ANKS6: variants seen among roughly 807,000 people sequenced by gnomAD.
ANKS6 encodes the protein ankyrin repeat and SAM domain-containing protein 6.
A neutral mutation model predicts 77.9 loss-of-function variants in ANKS6; 47 were observed. That is an observed-to-expected ratio of 0.60 (90% CI 0.48 to 0.77). The LOEUF is 0.77. Among genes scored for constraint, ANKS6 ranks in the 30% least tolerant of loss-of-function variants. ANKS6 has a pLI of 0.00. For synonymous variants in ANKS6, 488 were observed against 501.7 expected, an observed-to-expected ratio of 0.97 and a Z score of 0.37; for missense variants, 1,150 against 1,159.1, an observed-to-expected ratio of 0.99 and a Z score of 0.11.
intron 10 of ANKS6, among the ~76,000 whole-genome samples, chr9:98,768,569 T>A (rs1368756010): frequency 6.6e-6 from 1 of 152,164 alleles, no homozygotes; most frequent in African/African-American, 2.4e-5. Context: ...TGCAACACCC[T>A]GCACTCGATG....
At chr9:98,761,177 T>C (rs1832984192) in intron 11 of ANKS6, among the ~76,000 whole-genome samples, 1 of 152,128 alleles carries the variant, frequency 6.6e-6, no homozygotes, top group Non-Finnish European at 1.5e-5. Context: ...ATCTTTATAT[T>C]TTCTTTGATG....
intron 1 of ANKS6, among the ~76,000 whole-genome samples, chr9:98,793,118 TGA>T (rs943477119): frequency 1.3e-5 from 2 of 152,194 alleles, no homozygotes; most frequent in Non-Finnish European, 2.9e-5. Flanking sequence ...AGCACTGGGC[TGA>T]GAGTCCAGCT....
chr9:98,763,428 T>C (rs1324978959), intron 11 of ANKS6, among the ~76,000 whole-genome samples: 1 of 151,998 alleles, frequency 6.6e-6, no homozygotes, highest in South Asian at 2.1e-4. Context: ...AAGGGGAAAA[T>C]ATTTTGAATG....
intron 13 of ANKS6, among the ~76,000 whole-genome samples, chr9:98,747,816 C>T (rs1002153721): frequency 1.4e-4 from 21 of 152,212 alleles, no homozygotes; most frequent in African/African-American, 4.8e-4. Context: ...AACAGACCTT[C>T]CAGCCTGCAT....
chr9:98,796,231 G>T lies in ANKS6; in HGVS notation c.261C>A (p.Ala87=). The change falls in exon 1 of 15, where the codon GCC becomes GCA. Residue 87 remains alanine, a synonymous_variant. Transcript: ENST00000353234. ...AGNTALQFAA[A]GGHEPLVRFL... ...AGCGCACCAGCGGTTCGTGGCCCCC[G>T]GCCGCGGCGAACTGCAGTGCGGTGT... is the stretch of plus-strand genomic sequence containing the variant. The T allele has an allele frequency of 7.1e-7, 1 of 1,406,972 alleles. No individual in the cohort carries two copies. The highest frequency in any genetic ancestry group is 9.3e-7 in the Non-Finnish European group (1 of 1,078,604). 87.2% of individuals were successfully genotyped at this position (1,406,972 alleles called of 1,614,324 possible). A position where few individuals can be genotyped will look rare whatever the true frequency, so the allele number is the denominator to read the frequency against.
At chr9:98,764,841 T>G (rs922645290) in intron 11 of ANKS6, among the ~76,000 whole-genome samples, 1 of 152,218 alleles carries the variant, frequency 6.6e-6, no homozygotes, top group Non-Finnish European at 1.5e-5. Context: ...TGTCAAATAT[T>G]CTAACACCTT....
chr9:98,752,091 C>CACAA lies in ANKS6; in HGVS notation c.2327-999_2327-996dup, dbSNP rs5899357. Among the ~76,000 whole-genome samples, 424 of 151,186 alleles carry CACAA rather than the reference C, an allele frequency of 2.8e-3. 2 individuals carry two copies. Among genetic ancestry groups the CACAA allele is most frequent in the African/African-American group, 8.5e-3 (350 of 41,170 alleles). ...CCTGGGCTACAAAGCAAGACCCTGT[C>CACAA]ACAAACAAACAAACAAACAAACAAA... On this transcript the variant is annotated intron_variant, in intron 12 of 14. Transcript: ENST00000353234.
intron 8 of ANKS6, among the ~76,000 whole-genome samples, chr9:98,775,615 T>C (rs1833880901): frequency 7.6e-6 from 1 of 131,598 alleles, no homozygotes; most frequent in Admixed American, 8.0e-5. Context: ...GTAAAAGCTA[T>C]GGTATTTGCT....
rs532687141 is a variant in ANKS6, at chr9:98,778,527, G to A, written c.1369-103C>T. 80 of 1,076,280 alleles carry A rather than the reference G, an allele frequency of 7.4e-5. No individual in the cohort carries two copies. In the African/African-American group the frequency reaches 1.1e-3, roughly 15 times the overall value. 66.7% of individuals were successfully genotyped at this position (1,076,280 alleles called of 1,614,324 possible). A position where few individuals can be genotyped will look rare whatever the true frequency, so the allele number is the denominator to read the frequency against. On this transcript the variant is annotated intron_variant, in intron 6 of 14. Coordinates refer to ENST00000353234, the MANE Select transcript of ANKS6 (RefSeq NM_173551.5). ...ACAGTGACTACATTCACATGTGCCTGCCCTCCCCTCTCCTGGGGCCCAGAC... is the reference window on the plus strand; with the variant it reads ...ACAGTGACTACATTCACATGTGCCTACCCTCCCCTCTCCTGGGGCCCAGAC...
rs1832599587 is a variant in ANKS6, at chr9:98,754,599, G to A, written c.2326+1821C>T. Reference sequence around the variant, plus strand: ...GGAGCTTGCAGTGAGCCGAGATCGCGCCACTGCACTCCAGCATGGGTGACA... The same window carrying A: ...GGAGCTTGCAGTGAGCCGAGATCGCACCACTGCACTCCAGCATGGGTGACA... On this transcript the variant is annotated intron_variant, in intron 12 of 14. Coordinates refer to ENST00000353234, the MANE Select transcript of ANKS6 (RefSeq NM_173551.5). Among the ~76,000 whole-genome samples, 3 of 151,438 alleles carry A rather than the reference G, an allele frequency of 2.0e-5. No individual in the cohort carries two copies. In the South Asian group the frequency reaches 6.3e-4, roughly 32 times the overall value.
rs557517284 is a variant in ANKS6, at chr9:98,771,908, C to T, written c.1822-862G>A. ...ACTCTTACCATGGCTTGTGAGTGTACATTTACTGCGGTTGCCTGTGTGTAT... is the reference window on the plus strand; with the variant it reads ...ACTCTTACCATGGCTTGTGAGTGTATATTTACTGCGGTTGCCTGTGTGTAT... On this transcript the variant is annotated intron_variant, in intron 9 of 14. Transcript: ENST00000353234. Among the ~76,000 whole-genome samples the T allele has an allele frequency of 3.9e-5, 6 of 152,290 alleles. No homozygotes were observed. The South Asian group carries it at 1.0e-3, about 26-fold the overall frequency.
At chr9:98,773,818 A>T in intron 9 of ANKS6, 59 bp downstream of exon 9, 1 of 1,388,624 alleles carries the variant, frequency 7.2e-7, no homozygotes, top group Non-Finnish European at 9.4e-7. Flanking sequence ...TGCCTGGAAC[A>T]CACCATGATC....
At chr9:98,742,675 G>A (rs1429493780) in intron 14 of ANKS6, among the ~76,000 whole-genome samples, 3 of 152,116 alleles carry the variant, frequency 2.0e-5, no homozygotes, top group Admixed American at 2.0e-4. Flanking sequence ...GGGGACACAG[G>A]TGGGATTGAG....
At position 98,736,550 on chromosome 9, in the gene ANKS6, G is replaced by T; in HGVS notation, c.2585C>A (p.Thr862Asn). The change falls in exon 15 of 15, where the codon ACC becomes AAC. Residue 862 changes from threonine (T) to asparagine (N), a missense_variant. Transcript: ENST00000353234. ...ACAGGGGCTGTTGCCAGGGGCCCTGGTGTTGCTGGCACTGCTCTCAAAGGA... is the reference window on the plus strand; with the variant it reads ...ACAGGGGCTGTTGCCAGGGGCCCTGTTGTTGCTGGCACTGCTCTCAAAGGA... ...HSSFESSASN[T>N]RAPGNSPCA 6.2e-7 allele frequency: 1 copy of T among 1,613,262 alleles called. No individual in the cohort carries two copies. Among genetic ancestry groups the T allele is most frequent in the Admixed American group, 1.7e-5 (1 of 59,980 alleles).
chr9:98,796,024 A>C, intron 1 of ANKS6, 109 bp downstream of exon 1: 2 of 1,068,712 alleles, frequency 1.9e-6, no homozygotes, highest in African/African-American at 3.3e-5. Flanking sequence ...TCCAACTCTA[A>C]GGAGTCCTTA....
chr9:98,784,058 G>T lies in ANKS6; in HGVS notation c.1007C>A (p.Thr336Lys). Residue 336 changes from threonine (T) to lysine (K), a missense_variant, in exon 4 of 15, where the codon ACG (threonine) becomes AAG (lysine). Thr to Lys is a moderately conservative substitution (Grantham distance 78). Transcript: ENST00000353234. ...CAGCTGCACCAGAGCCAGCTGCCCCGTAACAGCTGCTAGCATCAGTGGCGT... is the reference window on the plus strand; with the variant it reads ...CAGCTGCACCAGAGCCAGCTGCCCCTTAACAGCTGCTAGCATCAGTGGCGT... ...GATPLMLAAV[T>K]GQLALVQLLV... 6.2e-7 allele frequency: 1 copy of T among 1,611,072 alleles called. No homozygotes were observed. The highest frequency in any genetic ancestry group is 8.5e-7 in the Non-Finnish European group (1 of 1,178,776).
intron 3 of ANKS6, 128 bp downstream of exon 3, chr9:98,784,704 C>T: frequency 1.1e-6 from 1 of 891,782 alleles, no homozygotes. Flanking sequence ...CTTCCAAACA[C>T]CAAACACCAA....
intron 5 of ANKS6, among the ~76,000 whole-genome samples, chr9:98,781,814 G>C (rs1834278555): frequency 6.6e-6 from 1 of 152,194 alleles, no homozygotes; most frequent in Non-Finnish European, 1.5e-5. Context: ...TTCAAGCCCA[G>C]TGGGTCAGAA....
At chr9:98,788,633 C>A (rs2118162350) in intron 2 of ANKS6, among the ~76,000 whole-genome samples, 1 of 152,356 alleles carries the variant, frequency 6.6e-6, no homozygotes, top group East Asian at 1.9e-4. Context: ...CAGAGGATAA[C>A]CTGCCTTCTG....
Sources: gnomAD v4.1 joint callset for allele counts (sites outside exome capture counted in the v4.1 genomes callset) on GRCh38, gnomAD v4.1.1 for gene constraint, MANE v1.5 for transcripts, NCBI Gene and HGNC (gene_info 2026-07-23, HGNC 2026-07-21) for gene names.